The following HMGB1 variants were observed in gnomAD, a reference collection of about 807,000 sequenced individuals.
The protein encoded by HMGB1 is high mobility group protein B1.
For missense variants in HMGB1, 79 were observed against 253.5 expected (o/e 0.31, Z 4.67); for synonymous variants, 81 against 84.0 (o/e 0.96, Z 0.19).
At chr13:30,482,854 C>G (rs963380974) in intron 1 of HMGB1, among the ~76,000 whole-genome samples, 1 of 151,806 alleles carries the variant, frequency 6.6e-6, no homozygotes, top group Admixed American at 6.6e-5. Context: ...GTGGTGTGAT[C>G]ATAGCTCACT....
At chr13:30,614,764 T>C (rs1278181867) in intron 1 of HMGB1, among the ~76,000 whole-genome samples, 1 of 152,142 alleles carries the variant, frequency 6.6e-6, no homozygotes, top group Non-Finnish European at 1.5e-5. Context: ...TGGTGTAATC[T>C]CAGCTCATTG....
intron 1 of HMGB1, among the ~76,000 whole-genome samples, chr13:30,553,338 T>C (rs1054880516): frequency 6.6e-6 from 1 of 152,164 alleles, no homozygotes; most frequent in Non-Finnish European, 1.5e-5. Flanking sequence ...ACTAAGACAA[T>C]GTGGTAACGT....
chr13:30,554,150 T>A, intron 1 of HMGB1: 1 of 1,319,268 alleles, frequency 7.6e-7, no homozygotes, highest in Non-Finnish European at 1.1e-6. Context: ...TCTACTACGA[T>A]TAGAAAATAT....
chr13:30,508,677 G>A (rs954321689), intron 1 of HMGB1, among the ~76,000 whole-genome samples: 2 of 152,074 alleles, frequency 1.3e-5, no homozygotes, highest in Admixed American at 6.5e-5. Flanking sequence ...TTTTCTCACC[G>A]CCTTTCATTT....
intron 1 of HMGB1, among the ~76,000 whole-genome samples, chr13:30,491,244 G>T (rs1277450346): frequency 6.6e-6 from 1 of 152,018 alleles, no homozygotes; most frequent in Non-Finnish European, 1.5e-5. Context: ...TAGCCAGGCT[G>T]GTCTTGAACT....
chr13:30,561,652 A>G (rs538667907), intron 1 of HMGB1, among the ~76,000 whole-genome samples: 5 of 152,308 alleles, frequency 3.3e-5, no homozygotes, highest in Non-Finnish European at 7.4e-5. Flanking sequence ...CAGAGGGCAG[A>G]CCACTCTTCT....
chr13:30,533,030 A>G (rs1450436954), intron 1 of HMGB1, among the ~76,000 whole-genome samples: 4 of 152,176 alleles, frequency 2.6e-5, no homozygotes, highest in African/African-American at 9.7e-5. Context: ...TAGCTTCATA[A>G]CTTCACCTGT....
At chr13:30,465,179 T>A in intron 1 of HMGB1, 1 of 929,178 alleles carries the variant, frequency 1.1e-6, no homozygotes, top group Non-Finnish European at 1.3e-6. Context: ...GCGGCGCCGC[T>A]CCCCCCGCCG....
intron 1 of HMGB1, among the ~76,000 whole-genome samples, chr13:30,525,566 A>C (rs1437155411): frequency 6.6e-6 from 1 of 152,216 alleles, no homozygotes; most frequent in Non-Finnish European, 1.5e-5. Context: ...GTTCTTAATT[A>C]TGTAAAAAAA....
At chr13:30,564,453 G>A (rs945784983) in intron 1 of HMGB1, among the ~76,000 whole-genome samples, 2 of 152,112 alleles carry the variant, frequency 1.3e-5, no homozygotes, top group Non-Finnish European at 2.9e-5. Flanking sequence ...GCAACAGAGA[G>A]AGAGAGACTC....
chr13:30,598,544 A>C (rs1207374512), intron 1 of HMGB1, among the ~76,000 whole-genome samples: 2 of 152,272 alleles, frequency 1.3e-5, no homozygotes, highest in African/African-American at 4.8e-5. Context: ...AACATGGAAG[A>C]TAATCCTGTT....
chr13:30,491,458 C>G (rs531650909), intron 1 of HMGB1, among the ~76,000 whole-genome samples: 1 of 144,054 alleles, frequency 6.9e-6, no homozygotes, highest in Non-Finnish European at 1.5e-5. Flanking sequence ...CTGAGGCAGG[C>G]GGATAGCCAG....
rs1034555088 is a variant in HMGB1 at position 30,458,737 on chromosome 13, C to T, written c.*2620G>A. Reference sequence around the variant, plus strand: ...TGAATGGCAGTTTGTGTTACATGGGCGCTTTTCTTATCTTTATCATTTAAT... The same window carrying T: ...TGAATGGCAGTTTGTGTTACATGGGTGCTTTTCTTATCTTTATCATTTAAT... On this transcript the variant is annotated 3_prime_UTR_variant, in exon 5 of 5. Transcript: ENST00000341423. 1 of 152,140 alleles carries T rather than the reference C, an allele frequency of 6.6e-6. No individual in the cohort carries two copies. Among genetic ancestry groups the T allele is most frequent in the African/African-American group, 2.4e-5 (1 of 41,418 alleles). 9.4% of individuals were successfully genotyped at this position (152,140 alleles called of 1,614,324 possible).
chr13:30,469,959 G>A (rs148427069), upstream of HMGB1, among the ~76,000 whole-genome samples: 4 of 151,850 alleles, frequency 2.6e-5, no homozygotes, highest in Non-Finnish European at 4.4e-5. Flanking sequence ...TTTATTTTTT[G>A]TAGAGACAAG....
At position 30,545,251 on chromosome 13, in the gene HMGB1, T is replaced by C. The variant is rs1869094604; in HGVS notation, c.-15+71420A>G. ...AGGAGTTCAAGGTCAGCCTGGGCAATACAGTGAGACCCTATCTCAAAACAA... is the reference window on the plus strand; with the variant it reads ...AGGAGTTCAAGGTCAGCCTGGGCAACACAGTGAGACCCTATCTCAAAACAA... On this transcript the variant is annotated intron_variant, in intron 1 of 4. Transcript: ENST00000405805. Among the ~76,000 whole-genome samples the C allele has an allele frequency of 2.6e-5, 4 of 152,080 alleles. No individual in the cohort carries two copies. The South Asian group carries it at 8.3e-4, about 32-fold the overall frequency.
chr13:30,462,023 T>C (rs955049815), intron 4 of HMGB1, among the ~76,000 whole-genome samples: 17 of 152,296 alleles, frequency 1.1e-4, no homozygotes, highest in Middle Eastern at 3.4e-3. Flanking sequence ...AGCTGAAAAT[T>C]AAGTATTTAA....
In HMGB1 at chr13:30,531,509, CGTGTGTGTGT is replaced by C. The variant is rs376387192; in HGVS notation, c.-14-67825_-14-67816del. 1.5e-3 allele frequency among the ~76,000 whole-genome samples: 201 copies of C among 135,660 alleles called. 1 individual carries two copies. The highest frequency in any genetic ancestry group is 2.6e-3 in the African/African-American group (95 of 36,002). The allele number at this position is 135,660 out of a possible 152,430, so 89.0% of individuals were successfully genotyped here. A position where few individuals can be genotyped will look rare whatever the true frequency, so the allele number is the denominator to read the frequency against. On this transcript the variant is annotated intron_variant, in intron 1 of 4. Coordinates refer to the HMGB1 transcript ENST00000405805. Reference sequence around the variant, plus strand: ...GAACTGCTATGCTAGGTAACATATACGTGTGTGTGTGTGTGTGTGTGTGTGTGTGTGTGTG... The same window carrying C: ...GAACTGCTATGCTAGGTAACATATACGTGTGTGTGTGTGTGTGTGTGTGTG...
intron 1 of HMGB1, among the ~76,000 whole-genome samples, chr13:30,558,476 A>G (rs1393684046): frequency 6.6e-6 from 1 of 152,214 alleles, no homozygotes; most frequent in Non-Finnish European, 1.5e-5. Flanking sequence ...TAAAAAAATA[A>G]CTGAAATGAA....
At chr13:30,490,282 T>G (rs1887457206) in intron 1 of HMGB1, among the ~76,000 whole-genome samples, 1 of 152,208 alleles carries the variant, frequency 6.6e-6, no homozygotes, top group Admixed American at 6.5e-5. Flanking sequence ...CTGTAGGTCT[T>G]GGCTCTACAA....
Sources: gnomAD v4.1 joint callset for allele counts (sites outside exome capture counted in the v4.1 genomes callset) on GRCh38, gnomAD v4.1.1 for gene constraint, MANE v1.5 for transcripts, NCBI Gene and HGNC (gene_info 2026-07-23, HGNC 2026-07-21) for gene names.